The following NXPH1 variants were observed in gnomAD, a reference collection of about 807,000 sequenced individuals.
NXPH1 encodes the protein neurexophilin 1, also known as neurexophilin-1.
Under a neutral mutation model 23.7 loss-of-function variants are expected in NXPH1, and 5 were observed. The observed-to-expected ratio is 0.21, with a 90% CI of 0.11 to 0.44. The LOEUF (loss-of-function observed/expected upper bound fraction) is 0.44. Among genes scored for constraint, NXPH1 ranks in the 20% least tolerant of loss-of-function variants. The pLI, the probability that NXPH1 is intolerant of heterozygous loss-of-function variation, is 0.99. For missense variants in NXPH1, 324 were observed against 321.6 expected (o/e 1.01, Z -0.06); for synonymous variants, 144 against 122.2 (o/e 1.18, Z -1.18).
At chr7:8,691,839 T>C (rs1821226197) in intron 2 of NXPH1, among the ~76,000 whole-genome samples, 1 of 152,152 alleles carries the variant, frequency 6.6e-6, no homozygotes, top group Non-Finnish European at 1.5e-5. Context: ...GTAAACAGTT[T>C]ATAAACCATC....
intron 2 of NXPH1, among the ~76,000 whole-genome samples, chr7:8,520,638 G>A (rs1817756020): frequency 6.6e-6 from 1 of 151,872 alleles, no homozygotes; most frequent in South Asian, 2.1e-4. Flanking sequence ...ATTCTCCCTG[G>A]TTTTTCTTGT....
chr7:8,521,412 C>T (rs1010760145), intron 2 of NXPH1, among the ~76,000 whole-genome samples: 1 of 152,156 alleles, frequency 6.6e-6, no homozygotes, highest in Non-Finnish European at 1.5e-5. Context: ...GTGATGAATT[C>T]TAGCCAATTG....
At chr7:8,518,233 G>A (rs1055163506) in intron 2 of NXPH1, among the ~76,000 whole-genome samples, 8 of 152,056 alleles carry the variant, frequency 5.3e-5, no homozygotes, top group African/African-American at 1.9e-4. Context: ...AGAACGATTT[G>A]TTTACTTCTT....
chr7:8,640,034 A>AT (rs1233413194), intron 2 of NXPH1, among the ~76,000 whole-genome samples: 1 of 152,068 alleles, frequency 6.6e-6, no homozygotes, highest in African/African-American at 2.4e-5. Flanking sequence ...TGTTTTTCTT[A>AT]TTGATTTATA....
At chr7:8,600,320 T>C (rs1338811724) in intron 2 of NXPH1, among the ~76,000 whole-genome samples, 1 of 152,134 alleles carries the variant, frequency 6.6e-6, no homozygotes, top group African/African-American at 2.4e-5. Context: ...ATCAGGAGAT[T>C]TTGCAAGGTT....
chr7:8,517,893 A>T (rs1296336420), intron 2 of NXPH1, among the ~76,000 whole-genome samples: 1 of 152,182 alleles, frequency 6.6e-6, no homozygotes, highest in Non-Finnish European at 1.5e-5. Flanking sequence ...GCCTGGGACC[A>T]TGTTTTGGTG....
chr7:8,568,960 G>A (rs1264571099), intron 2 of NXPH1, among the ~76,000 whole-genome samples: 1 of 151,734 alleles, frequency 6.6e-6, no homozygotes, highest in Non-Finnish European at 1.5e-5. Context: ...GGGGATTATG[G>A]AATTAGAAAA....
rs1228459213 is a variant in NXPH1, at chr7:8,751,358, G to T, written c.405G>T (p.Leu135=). Residue 135 remains leucine (L), a synonymous_variant, in exon 3 of 3, where the codon CTG becomes CTT. Coordinates refer to ENST00000405863, the MANE Select transcript of NXPH1 (RefSeq NM_152745.3). The surrounding 1 kb of genome is among the most constrained non-coding windows in gnomAD (Gnocchi z 4.5). ...ACATCAAAACAGTGAAGCTGAACCT[G>T]TTGATAACTGGGAAAATTGTAGATC... ...HSNIKTVKLN[L]LITGKIVDHG... 1 of 1,613,904 alleles carries T rather than the reference G, an allele frequency of 6.2e-7. No individual in the cohort carries two copies. The highest frequency in any genetic ancestry group is 1.7e-5 in the Admixed American group (1 of 59,976).
At chr7:8,733,624 A>T (rs1583252285) in intron 2 of NXPH1, among the ~76,000 whole-genome samples, 2 of 152,204 alleles carry the variant, frequency 1.3e-5, no homozygotes, top group African/African-American at 4.8e-5. Flanking sequence ...GCATTTCTCT[A>T]ATGACCAGTG....
At chr7:8,568,738 G>T (rs1380030721) in intron 2 of NXPH1, among the ~76,000 whole-genome samples, 2 of 151,688 alleles carry the variant, frequency 1.3e-5, no homozygotes, top group Admixed American at 1.3e-4. Flanking sequence ...TACCCTGCTG[G>T]TACTTGAGGT....
intron 2 of NXPH1, among the ~76,000 whole-genome samples, chr7:8,493,230 T>A (rs1563326497): frequency 6.6e-6 from 1 of 152,048 alleles, no homozygotes; most frequent in Non-Finnish European, 1.5e-5. Flanking sequence ...TTAGTTCACC[T>A]GAAGGAATGT....
At chr7:8,474,579 T>C (rs1266753781) in intron 2 of NXPH1, among the ~76,000 whole-genome samples, 1 of 152,138 alleles carries the variant, frequency 6.6e-6, no homozygotes, top group Non-Finnish European at 1.5e-5. Context: ...AAAAAACAGG[T>C]TGATGCTCTG....
chr7:8,617,975 T>C (rs560504653), intron 2 of NXPH1, among the ~76,000 whole-genome samples: 3 of 152,210 alleles, frequency 2.0e-5, no homozygotes, highest in Admixed American at 2.0e-4. Context: ...GTACATCTCA[T>C]GTAACCCAAA....
intron 2 of NXPH1, among the ~76,000 whole-genome samples, chr7:8,745,573 A>G (rs878998941): frequency 6.6e-6 from 1 of 152,044 alleles, no homozygotes; most frequent in Non-Finnish European, 1.5e-5. Flanking sequence ...GTCTGCCCCG[A>G]AACAGAGTCT....
chr7:8,665,179 T>A (rs1473254989), intron 2 of NXPH1, among the ~76,000 whole-genome samples: 2 of 152,084 alleles, frequency 1.3e-5, no homozygotes, highest in African/African-American at 4.8e-5. Flanking sequence ...TTTTAATCCA[T>A]TTTAAGTTGA....
chr7:8,723,876 C>T (rs1221203783), intron 2 of NXPH1, among the ~76,000 whole-genome samples: 3 of 152,132 alleles, frequency 2.0e-5, no homozygotes, highest in African/African-American at 7.2e-5. Flanking sequence ...ATGAAAAAGT[C>T]TGATGTGCAA....
intron 2 of NXPH1, among the ~76,000 whole-genome samples, chr7:8,559,456 T>C (rs947525912): frequency 2.0e-5 from 3 of 151,730 alleles, no homozygotes; most frequent in Admixed American, 6.6e-5. Context: ...ACTCATTATT[T>C]GGATGCCCAA....
chr7:8,544,583 C>T (rs1818172143), intron 2 of NXPH1, among the ~76,000 whole-genome samples: 1 of 151,584 alleles, frequency 6.6e-6, no homozygotes, highest in Non-Finnish European at 1.5e-5. Context: ...GAGTGCAGTG[C>T]AATGTTATAA....
chr7:8,648,719 T>A (rs1820436050), intron 2 of NXPH1, among the ~76,000 whole-genome samples: 2 of 152,228 alleles, frequency 1.3e-5, no homozygotes, highest in Admixed American at 1.3e-4. Flanking sequence ...ATCTCTGTAT[T>A]TGTACATTAA....
Sources: gnomAD v4.1 joint callset for allele counts (sites outside exome capture counted in the v4.1 genomes callset) on GRCh38, gnomAD v4.1.1 for gene constraint, Gnocchi (gnomAD v3.1) non-coding constraint, MANE v1.5 for transcripts, NCBI Gene and HGNC (gene_info 2026-07-23, HGNC 2026-07-21) for gene names.